The following ASGR2 variants were observed in gnomAD, a reference collection of about 807,000 sequenced individuals.
The protein encoded by ASGR2 is asialoglycoprotein receptor 2.
A neutral mutation model predicts 32.3 loss-of-function variants in ASGR2; 34 were observed. The ratio of observed to expected loss-of-function variants is 1.05; its 90% CI spans 0.80 to 1.40. ASGR2 has a LOEUF of 1.40. Among genes scored for constraint, ASGR2 ranks in the 40% most tolerant of loss-of-function variants. The pLI, the probability that ASGR2 is intolerant of heterozygous loss-of-function variation, is 0.00. For missense variants in ASGR2, 385 were observed against 386.4 expected (o/e 1.00, Z 0.03); for synonymous variants, 143 against 150.0 (o/e 0.95, Z 0.34).
upstream of ASGR2, chr17:7,114,907 G>A (rs1915277356): frequency 4.1e-6 from 4 of 984,986 alleles, no homozygotes; most frequent in Non-Finnish European, 4.8e-6. The surrounding 1 kb of genome is among the most constrained non-coding windows in gnomAD (Gnocchi z 4.5). Context: ...CCCAGAGAGG[G>A]GGGTCCCCTG....
In ASGR2 at chr17:7,107,802, C is replaced by CG; in HGVS notation, c.409+33dup. ...CACACACCGCACACGTACACATGCACGCACATGCGCACACACCCCGGAGGC... is the reference window on the plus strand; with the variant it reads ...CACACACCGCACACGTACACATGCACGGCACATGCGCACACACCCCGGAGGC... On this transcript the variant is annotated intron_variant, in intron 5 of 8. Transcript: ENST00000691900. The surrounding 1 kb of genome is among the most constrained non-coding windows in gnomAD (Gnocchi z 5.0). 1 of 1,608,862 alleles carries CG rather than the reference C, an allele frequency of 6.2e-7. No individual in the cohort carries two copies. The highest frequency in any genetic ancestry group is 1.1e-5 in the South Asian group (1 of 90,688).
rs1262313437 is a variant in ASGR2 at position 7,113,495 on chromosome 17, A to G, written c.124+622T>C. Among the ~76,000 whole-genome samples, 1 of 150,338 alleles carries G rather than the reference A, an allele frequency of 6.7e-6. No individual in the cohort carries two copies. The highest frequency in any genetic ancestry group is 2.4e-5 in the African/African-American group (1 of 40,842). On this transcript the variant is annotated intron_variant, in intron 2 of 8. Transcript: ENST00000691900. This position sits in a 1 kb window ranked among gnomAD's most constrained non-coding sequence, Gnocchi z 5.1. The stretch of plus-strand genomic sequence containing the variant: ...CACACAATACACACACACAACACAC[A>G]CACAACATACACAACGTACACACAC...
intron 2 of ASGR2, among the ~76,000 whole-genome samples, chr17:7,109,221 C>T (rs1254725649): frequency 1.3e-5 from 2 of 152,054 alleles, no homozygotes; most frequent in African/African-American, 2.4e-5. Flanking sequence ...GGGGGGCAGA[C>T]CCGGCCCTGC....
At chr17:7,105,820 G>C (rs1267960989) in intron 7 of ASGR2, among the ~76,000 whole-genome samples, 2 of 145,040 alleles carry the variant, frequency 1.4e-5, no homozygotes, top group Admixed American at 1.4e-4. Context: ...TCAGAGTCTC[G>C]CACTGTCACC....
chr17:7,112,538 A>G (rs1173477834), intron 2 of ASGR2, among the ~76,000 whole-genome samples: 2 of 152,120 alleles, frequency 1.3e-5, no homozygotes, highest in African/African-American at 2.4e-5. Context: ...ATTCTCTCTG[A>G]GTGTTCACTA....
chr17:7,108,627 C>T lies in ASGR2; in HGVS notation c.242-70G>A, dbSNP rs1396834751. On this transcript the variant is annotated intron_variant, in intron 3 of 8. Transcript: ENST00000691900. The surrounding 1 kb of genome is among the most constrained non-coding windows in gnomAD (Gnocchi z 4.9). ...TCCCCATCACTGTCCATGTGACTGG[C>T]CCCTCAATGTCCCCGCATTTGCCCC... 3 of 1,599,728 alleles carry T rather than the reference C, an allele frequency of 1.9e-6. No individual in the cohort carries two copies. Among genetic ancestry groups the T allele is most frequent in the Middle Eastern group, 1.9e-4 (1 of 5,386 alleles).
chr17:7,103,633 G>A (rs1229171375), intron 7 of ASGR2, among the ~76,000 whole-genome samples: 1 of 152,184 alleles, frequency 6.6e-6, no homozygotes. Flanking sequence ...AAGTAATGGA[G>A]AAAATCATCA....
In ASGR2 at chr17:7,113,481, C is replaced by T. The variant is rs976286997; in HGVS notation, c.124+636G>A. Among the ~76,000 whole-genome samples the T allele has an allele frequency of 6.6e-6, 1 of 150,584 alleles. No homozygotes were observed. Among genetic ancestry groups the T allele is most frequent in the African/African-American group, 2.5e-5 (1 of 40,796 alleles). ...AACATACATACACTCACACAATACA[C>T]ACACACAACACACACACAACATACA... On this transcript the variant is annotated intron_variant, in intron 2 of 8. Transcript: ENST00000691900. This position sits in a 1 kb window ranked among gnomAD's most constrained non-coding sequence, Gnocchi z 5.1.
rs1376787487 is a variant in ASGR2 at position 7,108,685 on chromosome 17, C to A, written c.241+87G>T. On this transcript the variant is annotated intron_variant, in intron 3 of 8. Transcript: ENST00000691900. The surrounding 1 kb of genome is among the most constrained non-coding windows in gnomAD (Gnocchi z 4.9). Reference sequence around the variant, plus strand: ...GCTCCACCCCGCCTCCATCCCTTCCCCTCCCATCGCCCCGATCGCTGCCCG... The same window carrying A: ...GCTCCACCCCGCCTCCATCCCTTCCACTCCCATCGCCCCGATCGCTGCCCG... 24 of 1,608,720 alleles carry A rather than the reference C, an allele frequency of 1.5e-5. No individual in the cohort carries two copies. Among genetic ancestry groups the A allele is most frequent in the Non-Finnish European group, 2.0e-5 (23 of 1,176,630 alleles).
rs763347896 is a variant in ASGR2 at position 7,114,178 on chromosome 17, A to T, written c.63T>A (p.His21Gln). 1.2e-6 allele frequency: 2 copies of T among 1,614,158 alleles called. No homozygotes were observed. The highest frequency in any genetic ancestry group is 1.1e-5 in the South Asian group (1 of 91,084). Residue 21 changes from histidine to glutamine, a missense_variant, in exon 2 of 9, where the codon CAT becomes CAA. Physicochemically the swap from His to Gln is conservative, Grantham distance 24. Coordinates refer to ENST00000691900, the MANE Select transcript of ASGR2 (RefSeq NM_001201352.2). This position sits in a 1 kb window ranked among gnomAD's most constrained non-coding sequence, Gnocchi z 4.5. ...TGCGAGTGCCTGGCCCCTCACCTTG[A>T]TGGAAAGGATGGTCATTTTCCTCCG... ...LSSEENDHPF[H>Q]QGEGPGTRRL...
chr17:7,108,849 G>A lies in ASGR2; in HGVS notation c.164C>T (p.Ser55Phe), dbSNP rs762374355. The change falls in exon 3 of 9, where the codon TCC (serine) becomes TTC (phenylalanine). Residue 55 changes from serine (S) to phenylalanine (F), a missense_variant. Coordinates refer to ENST00000691900, the MANE Select transcript of ASGR2 (RefSeq NM_001201352.2). The surrounding 1 kb of genome is among the most constrained non-coding windows in gnomAD (Gnocchi z 4.9). ...GGCAAGCAGACTGAAGCAGACCATG[G>A]AGCAGAGACGCTGTGCCAGGGGCTG... Reference protein sequence around the residue: ...PAQPLAQRLCSMVCFSLLALS... With the variant: ...PAQPLAQRLCFMVCFSLLALS... The A allele has an allele frequency of 5.0e-6, 8 of 1,609,910 alleles. No homozygotes were observed. Among genetic ancestry groups the A allele is most frequent in the South Asian group, 1.1e-5 (1 of 90,394 alleles).
At chr17:7,109,003 T>TG (rs147076472) in intron 2 of ASGR2, 115 bp from the exon 3 acceptor site, 29,100 of 358,354 alleles carry the variant, frequency 0.081, 1,324 homozygotes, top group African/African-American at 0.26. Context: ...GTTGGGGCCA[T>TG]GGGGGGGGGT....
At chr17:7,110,640 G>A (rs117634124) in intron 2 of ASGR2, among the ~76,000 whole-genome samples, 1 of 152,344 alleles carries the variant, frequency 6.6e-6, no homozygotes, top group South Asian at 2.1e-4. Flanking sequence ...GTAGCTACCC[G>A]ATTGGATTGC....
chr17:7,109,833 C>T (rs563432848), intron 2 of ASGR2, among the ~76,000 whole-genome samples: 24 of 152,136 alleles, frequency 1.6e-4, no homozygotes, highest in African/African-American at 5.8e-4. Flanking sequence ...CACACACACA[C>T]ACCTGACACA....
At chr17:7,114,865 G>C (rs1915273440), upstream of ASGR2, 1 of 986,608 alleles carries the variant, frequency 1.0e-6, no homozygotes, top group African/African-American at 1.7e-5. The surrounding 1 kb of genome is among the most constrained non-coding windows in gnomAD (Gnocchi z 4.5). Flanking sequence ...TGTGGGGTGG[G>C]GGCAGGGGAC....
Position 7,113,717 on chromosome 17 carries a change from C to T in ASGR2, c.124+400G>A, listed in dbSNP as rs1915095687. On this transcript the variant is annotated intron_variant, in intron 2 of 8. Transcript: ENST00000691900. The surrounding 1 kb of genome is among the most constrained non-coding windows in gnomAD (Gnocchi z 5.1). ...TACACACACAACACACTCTCACACA[C>T]AACATACCCTCTCACATACACGACA... Among the ~76,000 whole-genome samples, 1 of 150,504 alleles carries T rather than the reference C, an allele frequency of 6.6e-6. No homozygotes were observed. Among genetic ancestry groups the T allele is most frequent in the Non-Finnish European group, 1.5e-5 (1 of 67,332 alleles).
At chr17:7,101,968 C>A in intron 8 of ASGR2, 122 bp downstream of exon 8, 1 of 1,147,850 alleles carries the variant, frequency 8.7e-7, no homozygotes, top group South Asian at 1.4e-5. Flanking sequence ...GGGTTGGAGT[C>A]TGGGGAGGAG....
chr17:7,102,654 CT>C (rs1480883960), intron 7 of ASGR2, among the ~76,000 whole-genome samples: 38 of 152,196 alleles, frequency 2.5e-4, no homozygotes, highest in Non-Finnish European at 3.7e-4. Flanking sequence ...ACCCTGGTCC[CT>C]GCTCTTACTG....
chr17:7,101,325 A>G, downstream of ASGR2: 1 of 458,266 alleles, frequency 2.2e-6, no homozygotes, highest in African/African-American at 1.9e-5. Flanking sequence ...CCACACAGAG[A>G]TTCAAGCATT....
Sources: gnomAD v4.1 joint callset for allele counts (sites outside exome capture counted in the v4.1 genomes callset) on GRCh38, gnomAD v4.1.1 for gene constraint, Gnocchi (gnomAD v3.1) non-coding constraint, MANE v1.5 for transcripts, NCBI Gene and HGNC (gene_info 2026-07-23, HGNC 2026-07-21) for gene names.